Variants in CNIH3 observed in about 807,000 individuals in gnomAD.
CNIH3 encodes the protein cornichon family AMPA receptor auxiliary protein 3, also known as protein cornichon homolog 3.
A neutral mutation model predicts 24.1 loss-of-function variants in CNIH3; 14 were observed. That is an observed-to-expected ratio of 0.58 (90% confidence interval 0.38 to 0.91). CNIH3 has a LOEUF of 0.91. CNIH3 is among the 40% of genes least tolerant of loss of function. The pLI is 0.00. For missense variants in CNIH3, 178 were observed against 196.8 expected, an observed-to-expected ratio of 0.90 and a Z score of 0.57; for synonymous variants, 68 against 73.8, an observed-to-expected ratio of 0.92 and a Z score of 0.40.
At chr1:224,691,005 A>C (rs756705855) in intron 3 of CNIH3, among the ~76,000 whole-genome samples, 1 of 152,256 alleles carries the variant, frequency 6.6e-6, no homozygotes, top group Non-Finnish European at 1.5e-5. Flanking sequence ...CCCACTGCAC[A>C]AATTCCATGA....
At chr1:224,477,043 A>T (rs866915010) in intron 1 of CNIH3, among the ~76,000 whole-genome samples, 2 of 152,306 alleles carry the variant, frequency 1.3e-5, no homozygotes, top group South Asian at 2.1e-4. Flanking sequence ...CTGCAACAGC[A>T]CCAAGTTTAT....
At chr1:224,718,735 C>T (rs1456498930) in intron 3 of CNIH3, among the ~76,000 whole-genome samples, 1 of 151,950 alleles carries the variant, frequency 6.6e-6, no homozygotes, top group Non-Finnish European at 1.5e-5. Context: ...TGTGTGAAGC[C>T]TGTTCTTTGA....
At chr1:224,654,703 A>G (rs1184475793) in intron 1 of CNIH3, among the ~76,000 whole-genome samples, 1 of 152,222 alleles carries the variant, frequency 6.6e-6, no homozygotes, top group Non-Finnish European at 1.5e-5. Flanking sequence ...TGGAGAATTC[A>G]TTAAGAAGCT....
intron 1 of CNIH3, among the ~76,000 whole-genome samples, chr1:224,634,102 C>A (rs907953243): frequency 1.3e-5 from 2 of 152,188 alleles, no homozygotes; most frequent in African/African-American, 4.8e-5. Flanking sequence ...ACCCACCGCC[C>A]CTTAGGAAAA....
At chr1:224,649,661 G>A (rs1248276040) in intron 1 of CNIH3, among the ~76,000 whole-genome samples, 1 of 152,182 alleles carries the variant, frequency 6.6e-6, no homozygotes, top group East Asian at 1.9e-4. Flanking sequence ...TGGATAGTTA[G>A]AAACTTGGGG....
chr1:224,436,252 G>A (rs1466132064), intron 1 of CNIH3, among the ~76,000 whole-genome samples: 1 of 152,156 alleles, frequency 6.6e-6, no homozygotes, highest in Non-Finnish European at 1.5e-5. Context: ...ATAGAGCTCT[G>A]TCACTGTATC....
At chr1:224,467,099 C>T (rs189971006) in intron 1 of CNIH3, among the ~76,000 whole-genome samples, 25 of 152,314 alleles carry the variant, frequency 1.6e-4, no homozygotes, top group Middle Eastern at 6.8e-3. Context: ...GATCATGGCT[C>T]ATTGCAGCCT....
intron 1 of CNIH3, among the ~76,000 whole-genome samples, chr1:224,520,634 G>A (rs1046435216): frequency 1.3e-5 from 2 of 152,232 alleles, no homozygotes; most frequent in Non-Finnish European, 2.9e-5. Flanking sequence ...CAGTGATAGA[G>A]GTTCTGGGAC....
chr1:224,645,587 TG>T (rs1684568329), intron 1 of CNIH3, among the ~76,000 whole-genome samples: 1 of 152,144 alleles, frequency 6.6e-6, no homozygotes, highest in Non-Finnish European at 1.5e-5. Flanking sequence ...ATATGGTGGG[TG>T]GTGAGGTTTA....
At chr1:224,456,670 G>A (rs1310400600) in intron 1 of CNIH3, among the ~76,000 whole-genome samples, 2 of 152,178 alleles carry the variant, frequency 1.3e-5, no homozygotes, top group South Asian at 2.1e-4. Flanking sequence ...CTCGGCCTCC[G>A]AAAGTGCCGG....
intron 1 of CNIH3, among the ~76,000 whole-genome samples, chr1:224,466,039 A>G (rs952409486): frequency 6.6e-6 from 1 of 152,212 alleles, no homozygotes; most frequent in African/African-American, 2.4e-5. Flanking sequence ...AAAAAAACAC[A>G]AAAAACGAAA....
At chr1:224,480,738 G>A (rs1676774983) in intron 1 of CNIH3, among the ~76,000 whole-genome samples, 1 of 152,170 alleles carries the variant, frequency 6.6e-6, no homozygotes, top group African/African-American at 2.4e-5. Flanking sequence ...ATCTCCATCT[G>A]AGACCACCTC....
chr1:224,707,167 T>C (rs1572769681), intron 3 of CNIH3, among the ~76,000 whole-genome samples: 1 of 152,076 alleles, frequency 6.6e-6, no homozygotes, highest in Admixed American at 6.6e-5. Context: ...TTTCACCATG[T>C]TGTCCAGGCT....
At chr1:224,440,926 C>T (rs1357552641) in intron 1 of CNIH3, among the ~76,000 whole-genome samples, 1 of 151,942 alleles carries the variant, frequency 6.6e-6, no homozygotes, top group African/African-American at 2.4e-5. Flanking sequence ...ACACCATTCT[C>T]CTGCCTCAGC....
intron 1 of CNIH3, among the ~76,000 whole-genome samples, chr1:224,482,073 C>T (rs760641665): frequency 1.6e-4 from 25 of 152,106 alleles, no homozygotes; most frequent in Non-Finnish European, 8.8e-5. Context: ...CATTTAAGGC[C>T]CAAGGCTGTT....
intron 3 of CNIH3, among the ~76,000 whole-genome samples, chr1:224,707,252 C>T (rs546651434): frequency 1.9e-3 from 285 of 152,240 alleles, no homozygotes; most frequent in African/African-American, 6.3e-3. Flanking sequence ...ATGTCAGCCA[C>T]TGCTGCCTTT....
intron 1 of CNIH3, among the ~76,000 whole-genome samples, chr1:224,466,702 C>T (rs1275670382): frequency 5.3e-5 from 8 of 152,200 alleles, no homozygotes; most frequent in Admixed American, 5.2e-4. Context: ...GTAGCTATCC[C>T]ATTCTACATT....
At chr1:224,659,961 A>G (rs1260390458) in intron 1 of CNIH3, among the ~76,000 whole-genome samples, 1 of 152,256 alleles carries the variant, frequency 6.6e-6, no homozygotes, top group African/African-American at 2.4e-5. Flanking sequence ...TTGTGATTTT[A>G]TTAAGAGCAA....
chr1:224,442,839 A>G (rs979973914), intron 1 of CNIH3, among the ~76,000 whole-genome samples: 1 of 152,174 alleles, frequency 6.6e-6, no homozygotes, highest in Non-Finnish European at 1.5e-5. Context: ...AAAAGTAGCC[A>G]CTGTTTAAAT....
Sources: gnomAD v4.1 joint callset for allele counts (sites outside exome capture counted in the v4.1 genomes callset) on GRCh38, gnomAD v4.1.1 for gene constraint, MANE v1.5 for transcripts, NCBI Gene and HGNC (gene_info 2026-07-23, HGNC 2026-07-21) for gene names.